GCNT1: variants seen among roughly 807,000 people sequenced by gnomAD.
GCNT1 encodes beta-1,3-galactosyl-O-glycosyl-glycoprotein beta-1,6-N-acetylglucosaminyltransferase.
A neutral mutation model predicts 26.2 loss-of-function variants in GCNT1; 16 were observed. That is an observed-to-expected ratio of 0.61 (90% CI 0.41 to 0.93). GCNT1 has a LOEUF of 0.93. Among genes scored for constraint, GCNT1 ranks in the 40% least tolerant of loss-of-function variants. The pLI is 0.00. For synonymous variants in GCNT1, 183 were observed against 190.8 expected, an observed-to-expected ratio of 0.96 and a Z score of 0.34; for missense variants, 477 against 526.7, an observed-to-expected ratio of 0.91 and a Z score of 0.92.
At chr9:76,464,049 T>G (rs1823942451) in intron 2 of GCNT1, among the ~76,000 whole-genome samples, 1 of 151,340 alleles carries the variant, frequency 6.6e-6, no homozygotes, top group Non-Finnish European at 1.5e-5. Flanking sequence ...TTTTTTTTTT[T>G]TTTTGTAAAA....
intron 2 of GCNT1, among the ~76,000 whole-genome samples, chr9:76,473,050 C>G (rs2131606643): frequency 6.6e-6 from 1 of 152,142 alleles, no homozygotes; most frequent in South Asian, 2.1e-4. Context: ...TGCCCTGCGA[C>G]ACTTGTCTGT....
the GCNT1 span, among the ~76,000 whole-genome samples, chr9:76,399,795 T>A: frequency 6.6e-6 from 1 of 152,214 alleles, no homozygotes; most frequent in Non-Finnish European, 1.5e-5. Context: ...TTATAGCAGC[T>A]TTATTCAGAA....
At position 76,491,998 on chromosome 9, in the gene GCNT1, G is replaced by A. The variant is rs182981087; in HGVS notation, c.-289-8918G>A. Among the ~76,000 whole-genome samples the A allele has an allele frequency of 6.6e-3, 1,004 of 152,158 alleles. 5 individuals carry two copies. The highest frequency in any genetic ancestry group is 0.01 in the Non-Finnish European group (713 of 67,996). ...CTCTGACACTAAGACAGCCACCGCC[G>A]CAACTATCTGTAAACAGTGAGGCCA... On this transcript the variant is annotated intron_variant, in intron 2 of 3. Transcript: ENST00000376730.
At chr9:76,471,992 AGGGGCTGG>A (rs1320043394) in intron 2 of GCNT1, among the ~76,000 whole-genome samples, 1 of 152,068 alleles carries the variant, frequency 6.6e-6, no homozygotes, top group Non-Finnish European at 1.5e-5. Context: ...AAAATGGACT[AGGGGCTGG>A]GCATGGTGGC....
chr9:76,470,911 G>A (rs780644435), intron 2 of GCNT1, among the ~76,000 whole-genome samples: 1 of 152,160 alleles, frequency 6.6e-6, no homozygotes, highest in Non-Finnish European at 1.5e-5. Flanking sequence ...CACCATCCCA[G>A]ACTTTGGGGC....
At chr9:76,453,110 T>C (rs1823700852) in intron 1 of GCNT1, among the ~76,000 whole-genome samples, 1 of 152,182 alleles carries the variant, frequency 6.6e-6, no homozygotes, top group Admixed American at 6.5e-5. Context: ...GAAAAAACTG[T>C]AGCCAATCTC....
exon 1 of GCNT1, chr9:76,441,997 A>G (rs1424461901): frequency 6.6e-6 from 1 of 152,228 alleles, no homozygotes; most frequent in Non-Finnish European, 1.5e-5. Context: ...ATACGGATCA[A>G]TGTGAAAACA....
the GCNT1 span, among the ~76,000 whole-genome samples, chr9:76,397,043 A>G: frequency 1.3e-5 from 2 of 152,228 alleles, no homozygotes; most frequent in Non-Finnish European, 2.9e-5. Flanking sequence ...GCACTTTGGG[A>G]GACCGAGGCA....
At chr9:76,492,668 G>A (rs1275831876) in intron 2 of GCNT1, among the ~76,000 whole-genome samples, 3 of 150,558 alleles carry the variant, frequency 2.0e-5, no homozygotes, top group Non-Finnish European at 4.4e-5. Flanking sequence ...CCGCGGCATA[G>A]TGGACACAGA....
chr9:76,413,653 G>GTTTTTGTTTTTTTGTTTTTT, the GCNT1 span, among the ~76,000 whole-genome samples: 3 of 118,662 alleles, frequency 2.5e-5, no homozygotes, highest in African/African-American at 9.2e-5. Context: ...GTTTTGTTTT[G>GTTTTTGTTTTTTTGTTTTTT]TTTTTTTTTT....
intron 2 of GCNT1, among the ~76,000 whole-genome samples, chr9:76,475,856 C>G (rs1211821942): frequency 6.9e-6 from 1 of 144,872 alleles, no homozygotes; most frequent in African/African-American, 2.7e-5. Flanking sequence ...AAGCAACTTG[C>G]GGAAACCATG....
upstream of GCNT1, among the ~76,000 whole-genome samples, chr9:76,416,475 G>A (rs1254940075): frequency 2.0e-5 from 3 of 152,212 alleles, no homozygotes; most frequent in Admixed American, 6.5e-5. Context: ...AATGGCAACT[G>A]CTAAAAGAGC....
the GCNT1 span, among the ~76,000 whole-genome samples, chr9:76,397,536 C>T: frequency 2.0e-5 from 3 of 151,632 alleles, no homozygotes; most frequent in Non-Finnish European, 4.4e-5. Flanking sequence ...CTCCACCTCC[C>T]GGGCTCAAGT....
the GCNT1 span, among the ~76,000 whole-genome samples, chr9:76,408,452 C>G: frequency 1.3e-5 from 2 of 152,172 alleles, no homozygotes; most frequent in Middle Eastern, 3.4e-3. Context: ...GCTTACATAC[C>G]TGGAATAAAT....
intron 2 of GCNT1, among the ~76,000 whole-genome samples, chr9:76,486,644 G>A (rs1166934380): frequency 6.6e-6 from 1 of 152,100 alleles, no homozygotes; most frequent in Non-Finnish European, 1.5e-5. Context: ...TATATTCTTT[G>A]TGTTTGAGGG....
At chr9:76,449,500 G>T (rs1180926114) in intron 1 of GCNT1, among the ~76,000 whole-genome samples, 1 of 152,114 alleles carries the variant, frequency 6.6e-6, no homozygotes, top group Non-Finnish European at 1.5e-5. Flanking sequence ...CTTTGCAAAG[G>T]TGATGCCCTC....
chr9:76,439,607 G>A (rs1823455240), upstream of GCNT1, among the ~76,000 whole-genome samples: 2 of 152,200 alleles, frequency 1.3e-5, no homozygotes, highest in East Asian at 3.8e-4. Context: ...AGGTAAATCA[G>A]TTGTTGGTAA....
At chr9:76,413,638 T>G in the GCNT1 span, among the ~76,000 whole-genome samples, 2 of 126,470 alleles carry the variant, frequency 1.6e-5, no homozygotes, top group Admixed American at 1.7e-4. Flanking sequence ...CCTAGGGTTT[T>G]TTTTGTTTTG....
chr9:76,431,965 C>T (rs1467014325), intron 1 of GCNT1, among the ~76,000 whole-genome samples: 4 of 152,020 alleles, frequency 2.6e-5, no homozygotes, highest in East Asian at 1.9e-4. Context: ...AAAAATTAGC[C>T]GGGTGTGGTC....
Sources: gnomAD v4.1 joint callset for allele counts (sites outside exome capture counted in the v4.1 genomes callset) on GRCh38, gnomAD v4.1.1 for gene constraint, MANE v1.5 for transcripts, NCBI Gene and HGNC (gene_info 2026-07-23, HGNC 2026-07-21) for gene names.